Variants in HMGA2 observed in about 807,000 individuals in gnomAD.
HMGA2 encodes high mobility group protein HMGI-C.
HMGA2 carries 8 observed loss-of-function variants against 19.1 expected under a neutral mutation model. The ratio of observed to expected loss-of-function variants is 0.42; its 90% CI spans 0.25 to 0.76. The LOEUF (loss-of-function observed/expected upper bound fraction) is 0.76, where lower values mean the gene tolerates loss of function less well. Among genes scored for constraint, HMGA2 ranks in the 30% least tolerant of loss-of-function variants. The pLI, the probability that HMGA2 is intolerant of heterozygous loss-of-function variation, is 0.28. For synonymous variants in HMGA2, 60 were observed against 48.8 expected, an observed-to-expected ratio of 1.23 and a Z score of -0.96; for missense variants, 109 against 136.3, an observed-to-expected ratio of 0.80 and a Z score of 1.00.
At chr12:65,860,598 C>A (rs1044596982) in intron 3 of HMGA2, among the ~76,000 whole-genome samples, 1 of 152,172 alleles carries the variant, frequency 6.6e-6, no homozygotes, top group African/African-American at 2.4e-5. Flanking sequence ...TATACAGTAA[C>A]CGCTTAATAC....
At chr12:65,838,468 T>G in intron 2 of HMGA2, 51 bp from the exon 3 acceptor site, 1 of 1,388,508 alleles carries the variant, frequency 7.2e-7, no homozygotes, top group Non-Finnish European at 1.0e-6. Context: ...GTGCAGTACT[T>G]ATAAACAATG....
In HMGA2 at chr12:65,857,895, C is replaced by T. The variant is rs1050404185; in HGVS notation, c.249+19326C>T. ...TTCCCTTCTGTCGTTTTGATAATTA[C>T]ATCCTCTGTGCTCAGTGGTGGCCTA... On this transcript the variant is annotated intron_variant, in intron 3 of 4. Transcript: ENST00000403681. The T allele has an allele frequency of 3.3e-5, 5 of 152,638 alleles. No individual in the cohort carries two copies. The East Asian group carries it at 5.8e-4, about 18-fold the overall frequency. 9.5% of individuals were successfully genotyped at this position (152,638 alleles called of 1,614,324 possible).
At chr12:65,882,775 A>T (rs968947192) in intron 3 of HMGA2, among the ~76,000 whole-genome samples, 10 of 152,248 alleles carry the variant, frequency 6.6e-5, no homozygotes, top group Non-Finnish European at 1.5e-4. Context: ...AGTTATGTGA[A>T]CCAGAACTTG....
intron 3 of HMGA2, chr12:65,942,724 A>G (rs1482812333): frequency 6.6e-6 from 1 of 152,202 alleles, no homozygotes; most frequent in Non-Finnish European, 1.5e-5. Context: ...TTAAACTGCT[A>G]TAACTCGGGA....
intron 4 of HMGA2, among the ~76,000 whole-genome samples, chr12:65,960,190 C>T (rs1253043247): frequency 6.6e-6 from 1 of 152,208 alleles, no homozygotes; most frequent in Non-Finnish European, 1.5e-5. Flanking sequence ...TACCTGGCCC[C>T]ATCCATGTCT....
chr12:65,851,935 T>C (rs1247578111), intron 3 of HMGA2, among the ~76,000 whole-genome samples: 3 of 152,184 alleles, frequency 2.0e-5, no homozygotes, highest in Non-Finnish European at 4.4e-5. Context: ...TGCTCTTATG[T>C]AAAAGAGGGA....
intron 3 of HMGA2, among the ~76,000 whole-genome samples, chr12:65,911,559 C>T (rs934963865): frequency 6.6e-6 from 1 of 152,144 alleles, no homozygotes; most frequent in Non-Finnish European, 1.5e-5. Flanking sequence ...GAAGCAAAGC[C>T]GGGTCATATG....
intron 3 of HMGA2, among the ~76,000 whole-genome samples, chr12:65,946,622 T>C (rs1249633526): frequency 6.6e-6 from 1 of 152,206 alleles, no homozygotes; most frequent in Non-Finnish European, 1.5e-5. Flanking sequence ...TTTCAATACC[T>C]ACCAGAAGGA....
At chr12:65,951,489 A>G in intron 4 of HMGA2, 74 bp downstream of exon 4, 1 of 927,712 alleles carries the variant, frequency 1.1e-6, no homozygotes, top group South Asian at 1.5e-5. Context: ...ATGTCCCCAA[A>G]CTAAACCTTA....
intron 3 of HMGA2, among the ~76,000 whole-genome samples, chr12:65,905,205 C>T (rs1223028950): frequency 6.6e-6 from 1 of 151,768 alleles, no homozygotes; most frequent in Non-Finnish European, 1.5e-5. Context: ...CACACACACA[C>T]ATAATAGAAA....
intron 4 of HMGA2, among the ~76,000 whole-genome samples, chr12:65,960,059 T>A (rs1452214936): frequency 5.9e-5 from 9 of 152,038 alleles, no homozygotes; most frequent in African/African-American, 2.2e-4. Context: ...CTGGCTAATT[T>A]TTTGTATTTT....
At chr12:65,845,639 A>C (rs1871203560) in intron 3 of HMGA2, among the ~76,000 whole-genome samples, 2 of 152,122 alleles carry the variant, frequency 1.3e-5, no homozygotes, top group Non-Finnish European at 2.9e-5. Context: ...AAACATTTAA[A>C]CATTTTTGAC....
chr12:65,951,439 T>C, intron 4 of HMGA2, 24 bp downstream of exon 4: 1 of 1,449,792 alleles, frequency 6.9e-7, no homozygotes, highest in Non-Finnish European at 9.5e-7. Context: ...ATTAATTTTT[T>C]TCTCCCAATT....
chr12:65,873,780 G>C (rs1332666042), intron 3 of HMGA2: 1 of 152,176 alleles, frequency 6.6e-6, no homozygotes, highest in Non-Finnish European at 1.5e-5. Context: ...TTCAAGTCTT[G>C]CTTGTGGTAT....
chr12:65,872,208 G>A (rs1872743699), intron 3 of HMGA2, among the ~76,000 whole-genome samples: 1 of 152,130 alleles, frequency 6.6e-6, no homozygotes, highest in South Asian at 2.1e-4. Flanking sequence ...AAATCCAGGG[G>A]ACACTTCTCA....
chr12:65,882,060 T>C (rs1873435868), intron 3 of HMGA2: 2 of 596,686 alleles, frequency 3.4e-6, no homozygotes. Flanking sequence ...ACCAAAGCTG[T>C]CCACCTTGTC....
chr12:65,836,589 C>A (rs1005664463), intron 2 of HMGA2, among the ~76,000 whole-genome samples: 2 of 152,122 alleles, frequency 1.3e-5, no homozygotes, highest in African/African-American at 4.8e-5. Flanking sequence ...GGAATCTAAG[C>A]GTTCCAAGGT....
At chr12:65,914,932 C>T in intron 3 of HMGA2, 1 of 1,355,528 alleles carries the variant, frequency 7.4e-7, no homozygotes, top group South Asian at 1.2e-5. Flanking sequence ...ACCTTGGCCT[C>T]TCAAAGTGCT....
At chr12:65,831,405 G>A (rs577500141) in intron 2 of HMGA2, among the ~76,000 whole-genome samples, 2 of 129,162 alleles carry the variant, frequency 1.5e-5, no homozygotes, top group Admixed American at 7.1e-5. Context: ...CATATTTTAG[G>A]AAGTTTTTTT....
Sources: gnomAD v4.1 joint callset for allele counts (sites outside exome capture counted in the v4.1 genomes callset) on GRCh38, gnomAD v4.1.1 for gene constraint, MANE v1.5 for transcripts, NCBI Gene and HGNC (gene_info 2026-07-23, HGNC 2026-07-21) for gene names.